Variants in FGF5 observed in about 807,000 individuals in gnomAD.
The protein encoded by FGF5 is heparin-binding growth factor 5.
Under a neutral mutation model 21.8 loss-of-function variants are expected in FGF5, and 23 were observed. The observed-to-expected ratio is 1.05, with a 90% CI of 0.76 to 1.49. The LOEUF is 1.49. FGF5 is among the 40% of genes most tolerant of loss of function. The pLI, the probability that FGF5 is intolerant of heterozygous loss-of-function variation, is 0.00. For missense variants in FGF5, 352 were observed against 332.9 expected (o/e 1.06, Z -0.45); for synonymous variants, 158 against 124.0 (o/e 1.27, Z -1.82).
In FGF5 at chr4:80,275,807, C is replaced by T. The variant is rs561191191; in HGVS notation, c.459+795C>T. Among the ~76,000 whole-genome samples the T allele has an allele frequency of 3.9e-5, 6 of 152,058 alleles. No homozygotes were observed. In the South Asian group the frequency reaches 1.2e-3, roughly 32 times the overall value. On this transcript the variant is annotated intron_variant, in intron 2 of 2. Transcript: ENST00000312465. ...ACGCTGCACTTAAAGGTGCTTTATG[C>T]TTTTTCTCTGGCATACTTATTTTCT...
At position 80,278,510 on chromosome 4, in the gene FGF5, G is replaced by A. The variant is rs189495428; in HGVS notation, c.459+3498G>A. The stretch of plus-strand genomic sequence containing the variant: ...GTTGCATAGGGAACTCCTGCCTCCC[G>A]AGATAAACTTTCAAAACAGAAAAGA... On this transcript the variant is annotated intron_variant, in intron 2 of 2. Coordinates refer to ENST00000312465, the MANE Select transcript of FGF5 (RefSeq NM_004464.4). Among the ~76,000 whole-genome samples the A allele has an allele frequency of 2.0e-3, 298 of 152,082 alleles. 1 individual carries two copies. The highest frequency in any genetic ancestry group is 6.8e-3 in the Middle Eastern group (2 of 294).
At chr4:80,268,877 A>G (rs1266399927) in intron 1 of FGF5, among the ~76,000 whole-genome samples, 1 of 152,222 alleles carries the variant, frequency 6.6e-6, no homozygotes, top group Admixed American at 6.5e-5. Flanking sequence ...TGGGGGATAA[A>G]GGGCAAGATC....
Position 80,290,781 on chromosome 4 carries a change from A to G in FGF5, c.*4109A>G, listed in dbSNP as rs1365133777. On this transcript the variant is annotated 3_prime_UTR_variant, in exon 3 of 3. Coordinates refer to ENST00000312465, the MANE Select transcript of FGF5 (RefSeq NM_004464.4). ...TCAATTCCCACCTATGAGTGAGAAT[A>G]TGTGGTGTTTGGTTTTTGGTCCTTG... The G allele has an allele frequency of 6.6e-6, 1 of 152,032 alleles. No homozygotes were observed. 9.4% of individuals were successfully genotyped at this position (152,032 alleles called of 1,614,324 possible).
chr4:80,277,362 A>G (rs1450684871), intron 2 of FGF5, among the ~76,000 whole-genome samples: 1 of 152,150 alleles, frequency 6.6e-6, no homozygotes, highest in East Asian at 1.9e-4. Context: ...GCCTATGATT[A>G]TGTGGATTCT....
chr4:80,269,919 A>C (rs1720222077), intron 1 of FGF5, among the ~76,000 whole-genome samples: 1 of 152,186 alleles, frequency 6.6e-6, no homozygotes, highest in Non-Finnish European at 1.5e-5. Context: ...CAGAATTTGC[A>C]TGTAATTTGG....
chr4:80,273,479 A>G (rs1720327178), intron 1 of FGF5, among the ~76,000 whole-genome samples: 1 of 152,154 alleles, frequency 6.6e-6, no homozygotes, highest in African/African-American at 2.4e-5. Flanking sequence ...TTACTCACAT[A>G]TATTTATAAA....
At chr4:80,280,575 C>G (rs1720523836) in intron 2 of FGF5, among the ~76,000 whole-genome samples, 1 of 152,174 alleles carries the variant, frequency 6.6e-6, no homozygotes, top group Non-Finnish European at 1.5e-5. Flanking sequence ...CAGGTCTATT[C>G]TGGCACTTAA....
chr4:80,272,603 T>C (rs190242665), intron 1 of FGF5, among the ~76,000 whole-genome samples: 1 of 152,174 alleles, frequency 6.6e-6, no homozygotes, highest in Non-Finnish European at 1.5e-5. Flanking sequence ...CATACACTTA[T>C]GAGACTTTAA....
rs371866408 is a variant in FGF5 at position 80,286,678 on chromosome 4, C to T, written c.*6C>T. The T allele has an allele frequency of 2.4e-5, 39 of 1,606,604 alleles. No individual in the cohort carries two copies. The African/African-American group carries it at 4.2e-4, about 17-fold the overall frequency. On this transcript the variant is annotated 3_prime_UTR_variant, in exon 3 of 3. Coordinates refer to ENST00000312465, the MANE Select transcript of FGF5 (RefSeq NM_004464.4). ...TCAAGTTTCGCTTTGGATAATATTC[C>T]TCTTGGCCTTGTGAGAAACCATTCT...
chr4:80,266,987 T>A lies in FGF5; in HGVS notation c.163T>A (p.Ser55Thr). ...CAGACAGAGCAGCAGTAGCGCTATG[T>A]CTTCCTCTTCTGCCTCCTCCTCCCC... ...SSRQSSSSAM[S>T]SSSASSSPAA... The change falls in exon 1 of 3, where the codon TCT (serine) becomes ACT (threonine). Residue 55 changes from serine to threonine, a missense_variant. Coordinates refer to ENST00000312465, the MANE Select transcript of FGF5 (RefSeq NM_004464.4). 1 of 1,614,192 alleles carries A rather than the reference T, an allele frequency of 6.2e-7. No homozygotes were observed. Among genetic ancestry groups the A allele is most frequent in the Non-Finnish European group, 8.5e-7 (1 of 1,180,036 alleles).
At chr4:80,273,732 A>G (rs1720333590) in intron 1 of FGF5, among the ~76,000 whole-genome samples, 2 of 150,976 alleles carry the variant, frequency 1.3e-5, no homozygotes, top group African/African-American at 4.9e-5. Context: ...AAAAGTAGAG[A>G]TGCGGTGTCA....
chr4:80,276,648 C>A (rs35177571), intron 2 of FGF5, among the ~76,000 whole-genome samples: 4 of 151,860 alleles, frequency 2.6e-5, no homozygotes, highest in African/African-American at 7.2e-5. Flanking sequence ...CAGCCCCCTC[C>A]CCTTTCCCCC....
Position 80,286,781 on chromosome 4 carries a change from C to T in FGF5, c.*109C>T. 3.8e-6 allele frequency: 3 copies of T among 789,594 alleles called. No homozygotes were observed. Among genetic ancestry groups the T allele is most frequent in the Non-Finnish European group, 6.0e-6 (3 of 496,610 alleles). 48.9% of individuals were successfully genotyped at this position (789,594 alleles called of 1,614,324 possible). On this transcript the variant is annotated 3_prime_UTR_variant, in exon 3 of 3. Transcript: ENST00000312465. ...GGACACAGCTTCAGCTATACTTACA[C>T]TGTATTGAAGTCACGTCATTTGTTT...
At position 80,286,333 on chromosome 4, in the gene FGF5, C is replaced by T; in HGVS notation, c.468C>T (p.Phe156=). The change falls in exon 3 of 3, where the codon TTC becomes TTT. Residue 156 remains phenylalanine, a synonymous_variant. Transcript: ENST00000312465. Reference sequence around the variant, plus strand: ...TTTTTTCTCCTCCTTAGGCCAAGTTCACAGATGACTGCAAGTTCAGGGAGC... The same window carrying T: ...TTTTTTCTCCTCCTTAGGCCAAGTTTACAGATGACTGCAAGTTCAGGGAGC... ...KKGKLHASAK[F]TDDCKFRERF... The T allele has an allele frequency of 2.5e-6, 4 of 1,586,118 alleles. No homozygotes were observed. Among genetic ancestry groups the T allele is most frequent in the Non-Finnish European group, 3.4e-6 (4 of 1,165,348 alleles).
chr4:80,277,809 G>T (rs1720456066), intron 2 of FGF5, among the ~76,000 whole-genome samples: 1 of 152,026 alleles, frequency 6.6e-6, no homozygotes, highest in South Asian at 2.1e-4. Context: ...AGAATTCTGG[G>T]AAAAGTAATC....
intron 1 of FGF5, chr4:80,268,544 A>AG: frequency 1.0e-6 from 1 of 986,042 alleles, no homozygotes; most frequent in East Asian, 1.1e-4. Context: ...CAGTCTCCAG[A>AG]GGGGGGTCGG....
rs551718154 is a variant in FGF5, at chr4:80,286,936, A to G, written c.*264A>G. 3.7e-5 allele frequency: 12 copies of G among 326,244 alleles called. No individual in the cohort carries two copies. The Admixed American group carries it at 4.0e-4, about 11-fold the overall frequency. The allele number at this position is 326,244 out of a possible 1,614,324, so 20.2% of individuals were successfully genotyped here. On this transcript the variant is annotated 3_prime_UTR_variant, in exon 3 of 3. Transcript: ENST00000312465. Reference sequence around the variant, plus strand: ...GCTTTATGCTTGAGGGATATTTAGAACTTTGTATTTTCGGAAAGTTAAATA... The same window carrying G: ...GCTTTATGCTTGAGGGATATTTAGAGCTTTGTATTTTCGGAAAGTTAAATA...
At chr4:80,275,783 C>T (rs1408517503) in intron 2 of FGF5, among the ~76,000 whole-genome samples, 1 of 152,092 alleles carries the variant, frequency 6.6e-6, no homozygotes, top group African/African-American at 2.4e-5. Context: ...AGTATATACA[C>T]GCTGCACTTA....
intron 2 of FGF5, among the ~76,000 whole-genome samples, chr4:80,277,392 GC>G (rs758575839): frequency 6.1e-4 from 93 of 152,134 alleles, no homozygotes; most frequent in Non-Finnish European, 1.2e-3. Flanking sequence ...AATTATCCAA[GC>G]CCACTTTCTC....
Sources: allele counts gnomAD v4.1 joint callset (sites outside exome capture counted in the v4.1 genomes callset), GRCh38; gene constraint gnomAD v4.1.1; transcripts MANE v1.5; gene names NCBI Gene and HGNC (gene_info 2026-07-23, HGNC 2026-07-21).